Variants in DNAH8 observed in about 807,000 individuals in gnomAD.
The protein encoded by DNAH8 is axonemal beta dynein heavy chain 8.
In DNAH8, 382 loss-of-function variants were observed where a neutral mutation model predicts 562.1. The observed-to-expected ratio is 0.68, with a 90% CI of 0.63 to 0.74. The LOEUF (loss-of-function observed/expected upper bound fraction) is 0.74, where lower values mean the gene tolerates loss of function less well. Ranked by LOEUF, DNAH8 falls within the 30% of genes least tolerant of loss-of-function variation. The pLI, the probability that DNAH8 is intolerant of heterozygous loss-of-function variation, is 0.00. For synonymous variants in DNAH8, 1,881 were observed against 1,919.4 expected, an observed-to-expected ratio of 0.98 and a Z score of 0.52; for missense variants, 5,203 against 5,620.4, an observed-to-expected ratio of 0.93 and a Z score of 2.37.
intron 45 of DNAH8, 95 bp from the exon 46 acceptor site, chr6:38,866,496 C>T (rs2150418306): frequency 7.2e-6 from 6 of 828,030 alleles, no homozygotes; most frequent in African/African-American, 3.5e-5. Flanking sequence ...TTTTCAATAC[C>T]ATCTTAAAAT....
chr6:38,899,558 C>G (rs1779929637), intron 61 of DNAH8, among the ~76,000 whole-genome samples: 1 of 152,228 alleles, frequency 6.6e-6, no homozygotes, highest in Non-Finnish European at 1.5e-5. Context: ...CCAGTTTGTT[C>G]TGTTCTTCAT....
chr6:38,836,108 A>G (rs1014050695), intron 32 of DNAH8, among the ~76,000 whole-genome samples: 1 of 152,176 alleles, frequency 6.6e-6, no homozygotes, highest in Non-Finnish European at 1.5e-5. Context: ...ACTTGGGCAT[A>G]TTGACGAAGG....
At chr6:38,846,415 C>G (rs1436122741) in intron 36 of DNAH8, among the ~76,000 whole-genome samples, 1 of 152,182 alleles carries the variant, frequency 6.6e-6, no homozygotes, top group African/African-American at 2.4e-5. Flanking sequence ...CTCTATTCCT[C>G]TGGCCGACTG....
In DNAH8 at chr6:38,833,992, G is replaced by A. The variant is rs542761693; in HGVS notation, c.4303-587G>A. Among the ~76,000 whole-genome samples the A allele has an allele frequency of 3.3e-5, 5 of 152,184 alleles. No individual in the cohort carries two copies. In the East Asian group the frequency reaches 9.6e-4, roughly 29 times the overall value. ...CATTTATTCCTTTGCTTATTTTGGG[G>A]AGTGTTTTTGAGGATTATTTTGCAA... On this transcript the variant is annotated intron_variant, in intron 31 of 92. Transcript: ENST00000327475.
chr6:39,030,173 G>A lies in DNAH8; in HGVS notation c.13905G>A (p.Met4635Ile), dbSNP rs778119823. 9 of 1,613,972 alleles carry A rather than the reference G, an allele frequency of 5.6e-6. No individual in the cohort carries two copies. The African/African-American group carries it at 1.2e-4, about 22-fold the overall frequency. The change falls in exon 93 of 93, where the codon ATG (methionine) becomes ATA (isoleucine). Residue 4635 changes from methionine (M) to isoleucine (I), a missense_variant. Transcript: ENST00000327475. ...AAWDRRNGKL[M>I]ESTPKVLFTQ... is the part of the protein sequence containing the mutation. ...GGGACAGACGGAATGGGAAGCTCAT[G>A]GAATCCACCCCCAAGGTACTCTTCA...
intron 11 of DNAH8, among the ~76,000 whole-genome samples, chr6:38,768,387 C>T (rs1767227979): frequency 1.3e-5 from 2 of 152,156 alleles, no homozygotes; most frequent in African/African-American, 4.8e-5. Context: ...CCTACCTCTG[C>T]CTCCTAAGTA....
At chr6:39,020,120 G>C (rs984371338) in intron 91 of DNAH8, among the ~76,000 whole-genome samples, 1 of 152,140 alleles carries the variant, frequency 6.6e-6, no homozygotes, top group Admixed American at 6.5e-5. Flanking sequence ...TTTTAAATGG[G>C]TTTAGCTGAT....
At chr6:38,871,666 G>A (rs534958480) in intron 49 of DNAH8, among the ~76,000 whole-genome samples, 12 of 152,230 alleles carry the variant, frequency 7.9e-5, no homozygotes, top group African/African-American at 2.9e-4. Context: ...GGATGTTATA[G>A]CAGCGGCTGT....
chr6:38,995,851 T>A (rs562474993), intron 88 of DNAH8, among the ~76,000 whole-genome samples: 1 of 152,366 alleles, frequency 6.6e-6, no homozygotes, highest in Admixed American at 6.5e-5. Flanking sequence ...AGGAATGTAC[T>A]AGCCTTCTTA....
In DNAH8 at chr6:38,864,231, T is replaced by C. The variant is rs536139660; in HGVS notation, c.6498+171T>C. The stretch of plus-strand genomic sequence containing the variant: ...ATAACCCAGACAGAAGATAAAATAG[T>C]AATTTTTTTCAATTAAAAAAAATTC... On this transcript the variant is annotated intron_variant, in intron 45 of 92. Coordinates refer to ENST00000327475, the MANE Select transcript of DNAH8 (RefSeq NM_001206927.2). 2.1e-5 allele frequency among the ~76,000 whole-genome samples: 3 copies of C among 142,676 alleles called. No homozygotes were observed. The Admixed American group carries it at 2.1e-4, about 10-fold the overall frequency. 93.6% of individuals were successfully genotyped at this position (142,676 alleles called of 152,430 possible).
chr6:38,944,565 A>G (rs574160545), intron 79 of DNAH8, among the ~76,000 whole-genome samples: 2 of 152,360 alleles, frequency 1.3e-5, no homozygotes, highest in South Asian at 4.1e-4. Flanking sequence ...TTATTATGAT[A>G]CATTACTAAA....
At chr6:38,785,085 A>G (rs1045425578) in intron 17 of DNAH8, among the ~76,000 whole-genome samples, 10 of 152,226 alleles carry the variant, frequency 6.6e-5, no homozygotes, top group Non-Finnish European at 1.2e-4. Context: ...CATACAAACA[A>G]TATGAAGTAG....
At chr6:38,792,182 G>A (rs1769821964) in intron 21 of DNAH8, among the ~76,000 whole-genome samples, 1 of 152,062 alleles carries the variant, frequency 6.6e-6, no homozygotes, top group Non-Finnish European at 1.5e-5. Context: ...CTGCCTCCCG[G>A]GTTCAAGTGA....
chr6:38,824,056 C>T (rs1279242760), intron 28 of DNAH8, among the ~76,000 whole-genome samples: 2 of 152,084 alleles, frequency 1.3e-5, no homozygotes, highest in Admixed American at 1.3e-4. Flanking sequence ...TAAGGAGGGG[C>T]TTGTATACAT....
chr6:38,854,076 A>G (rs529165227), intron 41 of DNAH8, among the ~76,000 whole-genome samples: 1 of 152,224 alleles, frequency 6.6e-6, no homozygotes, highest in South Asian at 2.1e-4. Flanking sequence ...ATTCATAGAT[A>G]TGATGTGGAT....
At chr6:38,870,173 C>T (rs951121295) in intron 48 of DNAH8, among the ~76,000 whole-genome samples, 60 of 152,246 alleles carry the variant, frequency 3.9e-4, no homozygotes, top group African/African-American at 1.4e-3. Flanking sequence ...GTCCCTCCCA[C>T]GACACGTGGG....
In DNAH8 at chr6:39,006,117, C is replaced by G. The variant is rs75260565; in HGVS notation, c.13215-2697C>G. Among the ~76,000 whole-genome samples, 788 of 152,314 alleles carry G rather than the reference C, an allele frequency of 5.2e-3. 7 individuals carry two copies. The highest frequency in any genetic ancestry group is 0.018 in the African/African-American group (740 of 41,558). On this transcript the variant is annotated intron_variant, in intron 88 of 92. Transcript: ENST00000327475. ...AACCCAAATAAGCAAGGAAATGGAT[C>G]CTCTCCTACATCCTATGGAAAGGAA... is the stretch of plus-strand genomic sequence containing the variant.
chr6:38,873,191 C>T, intron 51 of DNAH8, 44 bp downstream of exon 51: 4 of 1,612,698 alleles, frequency 2.5e-6, no homozygotes, highest in Non-Finnish European at 3.4e-6. Flanking sequence ...AGTCTCTCCA[C>T]GTTTCACTTT....
At chr6:38,984,489 CACACACA>C in intron 87 of DNAH8, 182 bp downstream of exon 87, 1 of 565,318 alleles carries the variant, frequency 1.8e-6, no homozygotes, top group Non-Finnish European at 3.2e-6. Flanking sequence ...CACACACACA[CACACACA>C]ACAACCAGCA....
Sources: allele counts gnomAD v4.1 joint callset (sites outside exome capture counted in the v4.1 genomes callset), GRCh38; gene constraint gnomAD v4.1.1; transcripts MANE v1.5; gene names NCBI Gene and HGNC (gene_info 2026-07-23, HGNC 2026-07-21).